TYK2: variants seen among roughly 807,000 people sequenced by gnomAD.
The protein encoded by TYK2 is tyrosine kinase 2.
In TYK2, 65 loss-of-function variants were observed where a neutral mutation model predicts 130.9. That is an observed-to-expected ratio of 0.50 (90% confidence interval 0.41 to 0.61). TYK2 has a LOEUF of 0.61. TYK2 is among the 20% of genes least tolerant of loss of function. TYK2 has a pLI of 0.00. For synonymous variants in TYK2, 647 were observed against 658.9 expected, an observed-to-expected ratio of 0.98 and a Z score of 0.28; for missense variants, 1,378 against 1,610.7, an observed-to-expected ratio of 0.86 and a Z score of 2.47.
intron 3 of TYK2, among the ~76,000 whole-genome samples, chr19:10,374,665 A>C (rs1449480882): frequency 6.9e-6 from 1 of 145,340 alleles, no homozygotes; most frequent in Non-Finnish European, 1.5e-5. Context: ...AGGCAGGGGG[A>C]ACAGCATGCA....
chr19:10,354,423 G>C, intron 19 of TYK2, 89 bp downstream of exon 19: 1 of 1,430,000 alleles, frequency 7.0e-7, no homozygotes, highest in East Asian at 2.3e-5. Flanking sequence ...CACATCTCCT[G>C]AGAATCACCT....
At chr19:10,379,164 A>G (rs1298985277) in intron 2 of TYK2, among the ~76,000 whole-genome samples, 3 of 151,618 alleles carry the variant, frequency 2.0e-5, no homozygotes, top group African/African-American at 7.3e-5. Flanking sequence ...CGGCCTCTAC[A>G]AGAAATTTTT....
chr19:10,354,610 C>A lies in TYK2; in HGVS notation c.2618-1G>T, dbSNP rs2040990650. Reference sequence around the variant, plus strand: ...TTCACAGTCAAGACGTCAGCAAGATCTGGAAGAGTTGCGGTGGGTAAAGGC... The same window carrying A: ...TTCACAGTCAAGACGTCAGCAAGATATGGAAGAGTTGCGGTGGGTAAAGGC... On this transcript the variant is annotated splice_acceptor_variant, in intron 18 of 24. Transcript: ENST00000525621. LOFTEE classifies it high-confidence loss of function. 2 of 1,613,628 alleles carry A rather than the reference C, an allele frequency of 1.2e-6. No homozygotes were observed. Among genetic ancestry groups the A allele is most frequent in the Admixed American group, 1.7e-5 (1 of 59,962 alleles).
In TYK2 at chr19:10,353,104, G is replaced by A. The variant is rs1269449288; in HGVS notation, c.3028-6C>T. ...GCGTGCAGATAGGCCATGCCCTGGGGACGGGGCAGGGCTCGTGAGTTTCAG... is the reference window on the plus strand; with the variant it reads ...GCGTGCAGATAGGCCATGCCCTGGGAACGGGGCAGGGCTCGTGAGTTTCAG... On this transcript the variant is annotated splice_region_variant and splice_polypyrimidine_tract_variant and intron_variant, in intron 21 of 24. Coordinates refer to ENST00000525621, the MANE Select transcript of TYK2 (RefSeq NM_003331.5). The surrounding 1 kb of genome is among the most constrained non-coding windows in gnomAD (Gnocchi z 6.9). 1.3e-6 allele frequency: 2 copies of A among 1,523,024 alleles called. No homozygotes were observed. Among genetic ancestry groups the A allele is most frequent in the Middle Eastern group, 1.8e-4 (1 of 5,644 alleles). 94.3% of individuals were successfully genotyped at this position (1,523,024 alleles called of 1,614,324 possible).
chr19:10,362,674 G>A lies in TYK2; in HGVS notation c.1368-17C>T. The A allele has an allele frequency of 1.3e-6, 2 of 1,550,446 alleles. No individual in the cohort carries two copies. Among genetic ancestry groups the A allele is most frequent in the South Asian group, 2.4e-5 (2 of 83,992 alleles). On this transcript the variant is annotated splice_polypyrimidine_tract_variant and intron_variant, in intron 9 of 24. Coordinates refer to ENST00000525621, the MANE Select transcript of TYK2 (RefSeq NM_003331.5). ...AATGGCTCCCTGGAAGGTGGTCCAGGGGGACTATCAGGCCACCTGGGGCCA... is the reference window on the plus strand; with the variant it reads ...AATGGCTCCCTGGAAGGTGGTCCAGAGGGACTATCAGGCCACCTGGGGCCA...
intron 3 of TYK2, among the ~76,000 whole-genome samples, chr19:10,377,914 ATGGGTGGATGGG>A (rs2042223188): frequency 2.8e-5 from 1 of 36,304 alleles, no homozygotes; most frequent in Non-Finnish European, 4.9e-5. Context: ...GGGTGGATGA[ATGGGTGGATGGG>A]TGGATGGGTG....
At chr19:10,352,620 G>A in intron 22 of TYK2, 69 bp from the exon 23 acceptor site, 1 of 830,154 alleles carries the variant, frequency 1.2e-6, no homozygotes. Context: ...CCAGGCTGAA[G>A]CCCTCACCTG....
chr19:10,362,157 C>A lies in TYK2; in HGVS notation c.1694G>T (p.Arg565Leu), dbSNP rs764267766. The A allele has an allele frequency of 6.2e-7, 1 of 1,613,932 alleles. No individual in the cohort carries two copies. The highest frequency in any genetic ancestry group is 8.5e-7 in the Non-Finnish European group (1 of 1,179,994). ...TGTCCTGGGGCTGGCCCGAGCCCCC[C>A]GCATGATGATGAGATTGGAGGTTTC... Reference protein sequence around the residue: ...PGETSNLIIMRGARASPRTLN... With the variant: ...PGETSNLIIMLGARASPRTLN... The change falls in exon 12 of 25, where the codon CGG becomes CTG. Residue 565 changes from arginine (R) to leucine (L), a missense_variant. By Grantham distance (102) the Arg-to-Leu change is moderately radical (BLOSUM62 -2). Transcript: ENST00000525621.
chr19:10,363,928 G>C (rs1055747048), intron 9 of TYK2, among the ~76,000 whole-genome samples: 4 of 152,188 alleles, frequency 2.6e-5, no homozygotes, highest in Non-Finnish European at 5.9e-5. Context: ...GAGAGTCACA[G>C]GGCCAGTGAC....
chr19:10,372,832 A>T (rs1223435291), intron 3 of TYK2, among the ~76,000 whole-genome samples: 2 of 151,924 alleles, frequency 1.3e-5, no homozygotes, highest in Non-Finnish European at 2.9e-5. Flanking sequence ...CACACCATGG[A>T]ATTATACTGC....
rs765912261 is a variant in TYK2 at position 10,353,589 on chromosome 19, T to C, written c.2966A>G (p.Tyr989Cys). 57 of 1,487,636 alleles carry C rather than the reference T, an allele frequency of 3.8e-5. No individual in the cohort carries two copies. Among genetic ancestry groups the C allele is most frequent in the Non-Finnish European group, 4.5e-5 (50 of 1,115,554 alleles). 92.2% of individuals were successfully genotyped at this position (1,487,636 alleles called of 1,614,324 possible). A position where few individuals can be genotyped will look rare whatever the true frequency, so the allele number is the denominator to read the frequency against. The change falls in exon 21 of 25, where the codon TAC (tyrosine) becomes TGC (cysteine). Residue 989 changes from tyrosine (Y) to cysteine (C), a missense_variant. By Grantham distance (194) the Tyr-to-Cys change is radical. Transcript: ENST00000525621. This position sits in a 1 kb window ranked among gnomAD's most constrained non-coding sequence, Gnocchi z 6.9. Reference sequence around the variant, plus strand: ...CAGCCCGATGCTGTGCCGGGGCAGGTAGTCTCGGAGGCTGCCCAGGGGCAC... The same window carrying C: ...CAGCCCGATGCTGTGCCGGGGCAGGCAGTCTCGGAGGCTGCCCAGGGGCAC... ...EYVPLGSLRD[Y>C]LPRHSIGLAQ...
chr19:10,353,088 T>A lies in TYK2; in HGVS notation c.3038A>T (p.Tyr1013Phe). Residue 1013 changes from tyrosine (Y) to phenylalanine (F), a missense_variant, in exon 22 of 25, where the codon TAT becomes TTT. Physicochemically the swap from Tyr to Phe is conservative, Grantham distance 22. Coordinates refer to ENST00000525621, the MANE Select transcript of TYK2 (RefSeq NM_003331.5). The surrounding 1 kb of genome is among the most constrained non-coding windows in gnomAD (Gnocchi z 6.9). ...GTGGATGTAGTGCTGCGCGTGCAGA[T>A]AGGCCATGCCCTGGGGACGGGGCAG... ...FAQQICEGMA[Y>F]LHAQHYIHRD... is the part of the protein sequence containing the mutation. 6.5e-7 allele frequency: 1 copy of A among 1,540,770 alleles called. No individual in the cohort carries two copies. The highest frequency in any genetic ancestry group is 1.2e-5 in the South Asian group (1 of 84,204).
chr19:10,365,653 T>G lies in TYK2; in HGVS notation c.875A>C (p.Tyr292Ser), dbSNP rs774360882. 6.2e-7 allele frequency: 1 copy of G among 1,613,602 alleles called. No homozygotes were observed. Among genetic ancestry groups the G allele is most frequent in the East Asian group, 2.2e-5 (1 of 44,872 alleles). ...AGGGGCCACCCCACTGTCCCGGATGTAGCAGGGCTCCCCCTCGGCCTGGGC... is the reference window on the plus strand; with the variant it reads ...AGGGGCCACCCCACTGTCCCGGATGGAGCAGGGCTCCCCCTCGGCCTGGGC... ...LLAQAEGEPC[Y>S]IRDSGVAPTD... Residue 292 changes from tyrosine to serine, a missense_variant, in exon 7 of 25, where the codon TAC (tyrosine) becomes TCC (serine). Transcript: ENST00000525621.
chr19:10,359,255 G>C lies in TYK2; in HGVS notation c.2095C>G (p.Leu699Val). 1 of 1,611,812 alleles carries C rather than the reference G, an allele frequency of 6.2e-7. No individual in the cohort carries two copies. The highest frequency in any genetic ancestry group is 8.5e-7 in the Non-Finnish European group (1 of 1,179,958). ...GGCACATGGCCCCGCTCCCTCCGCA[G>C]CCACACATCCAGGGGTCCGTGCTCC... ...YVEHGPLDVW[L>V]RRERGHVPMA... Residue 699 changes from leucine to valine, a missense_variant, in exon 15 of 25, where the codon CTG (leucine) becomes GTG (valine). Physicochemically the swap from Leu to Val is conservative, Grantham distance 32. Coordinates refer to ENST00000525621, the MANE Select transcript of TYK2 (RefSeq NM_003331.5).
At chr19:10,369,333 T>G (rs1194910087) in intron 3 of TYK2, among the ~76,000 whole-genome samples, 1 of 151,844 alleles carries the variant, frequency 6.6e-6, no homozygotes, top group Non-Finnish European at 1.5e-5. Flanking sequence ...TTATCTGTGG[T>G]TGGCAAACTC....
In TYK2 at chr19:10,353,156, G is replaced by A. The variant is rs994815797; in HGVS notation, c.3028-58C>T. ...GGGGCGGGGTTCGGCCGGGGGCGGCGGCAGGACCTGAGCAGCCAGGAGGGC... is the reference window on the plus strand; with the variant it reads ...GGGGCGGGGTTCGGCCGGGGGCGGCAGCAGGACCTGAGCAGCCAGGAGGGC... On this transcript the variant is annotated intron_variant, in intron 21 of 24. Coordinates refer to ENST00000525621, the MANE Select transcript of TYK2 (RefSeq NM_003331.5). This position sits in a 1 kb window ranked among gnomAD's most constrained non-coding sequence, Gnocchi z 6.9. 70 of 1,407,732 alleles carry A rather than the reference G, an allele frequency of 5.0e-5. 2 individuals carry two copies. In the South Asian group the frequency reaches 9.3e-4, roughly 19 times the overall value. The allele number at this position is 1,407,732 out of a possible 1,614,324, so 87.2% of individuals were successfully genotyped here.
intron 3 of TYK2, among the ~76,000 whole-genome samples, chr19:10,371,333 A>G (rs1235809396): frequency 2.0e-5 from 3 of 151,596 alleles, no homozygotes; most frequent in Non-Finnish European, 2.9e-5. Context: ...ATCCTCTACA[A>G]TCTAGCCTTA....
chr19:10,375,328 C>G (rs2042075438), intron 3 of TYK2, among the ~76,000 whole-genome samples: 1 of 152,070 alleles, frequency 6.6e-6, no homozygotes, highest in Non-Finnish European at 1.5e-5. Context: ...TTAGAAAGGC[C>G]TTTCCTTGGT....
In TYK2 at chr19:10,350,682, TCA is replaced by T; in HGVS notation, c.*150_*151del. The T allele has an allele frequency of 1.1e-6, 1 of 887,570 alleles. No individual in the cohort carries two copies. The highest frequency in any genetic ancestry group is 1.7e-5 in the South Asian group (1 of 60,384). 55.0% of individuals were successfully genotyped at this position (887,570 alleles called of 1,614,324 possible). A position where few individuals can be genotyped will look rare whatever the true frequency, so the allele number is the denominator to read the frequency against. On this transcript the variant is annotated 3_prime_UTR_variant, in exon 25 of 25. Transcript: ENST00000525621. ...TCACGGCCAAGAAAGAAAAATAAGT[TCA>T]CAGAGGTGGGGTCTCTAGACAGGAG...
Sources: allele counts gnomAD v4.1 joint callset (sites outside exome capture counted in the v4.1 genomes callset), GRCh38; gene constraint gnomAD v4.1.1; non-coding constraint Gnocchi (gnomAD v3.1); transcripts MANE v1.5; gene names NCBI Gene and HGNC (gene_info 2026-07-23, HGNC 2026-07-21).